The following C12orf42 variants were observed in gnomAD, a reference collection of about 807,000 sequenced individuals.
The protein encoded by C12orf42 is uncharacterized protein C12orf42.
Under a neutral mutation model 21.6 loss-of-function variants are expected in C12orf42, and 25 were observed. That is an observed-to-expected ratio of 1.16 (90% CI 0.84 to 1.62). The LOEUF (loss-of-function observed/expected upper bound fraction) is 1.62, where lower values mean the gene tolerates loss of function less well. C12orf42 is among the 40% of genes most tolerant of loss of function. The pLI is 0.00. For missense variants in C12orf42, 483 were observed against 459.3 expected (o/e 1.05, Z -0.47); for synonymous variants, 174 against 175.0 (o/e 0.99, Z 0.05).
intron 2 of C12orf42, among the ~76,000 whole-genome samples, chr12:103,458,042 A>G (rs1952431285): frequency 6.6e-6 from 1 of 152,306 alleles, no homozygotes; most frequent in Admixed American, 6.5e-5. Context: ...TTGACTGGTC[A>G]TCTTGAAACA....
At chr12:103,331,582 C>A (rs1176723012) in intron 4 of C12orf42, among the ~76,000 whole-genome samples, 1 of 152,180 alleles carries the variant, frequency 6.6e-6, no homozygotes, top group Non-Finnish European at 1.5e-5. Flanking sequence ...GTCCAGGGAG[C>A]TGAAGGGGAA....
chr12:103,524,383 G>C, the C12orf42 span, among the ~76,000 whole-genome samples: 1 of 152,148 alleles, frequency 6.6e-6, no homozygotes, highest in African/African-American at 2.4e-5. Context: ...GAGGCACACA[G>C]AGGTGGCAAA....
At chr12:103,462,095 GGTTTT>G (rs1437225552) in intron 2 of C12orf42, among the ~76,000 whole-genome samples, 1 of 31,482 alleles carries the variant, frequency 3.2e-5, no homozygotes, top group Non-Finnish European at 6.9e-5. Context: ...TTTTTTGCTT[GGTTTT>G]TTTTTTTTTT....
At chr12:103,160,562 T>C in the C12orf42 span, among the ~76,000 whole-genome samples, 4 of 152,258 alleles carry the variant, frequency 2.6e-5, no homozygotes, top group Non-Finnish European at 2.9e-5. Flanking sequence ...ATGGGATGGA[T>C]TCCTCAAAGA....
intron 4 of C12orf42, among the ~76,000 whole-genome samples, chr12:103,366,132 C>A (rs2044580855): frequency 6.6e-6 from 1 of 151,786 alleles, no homozygotes; most frequent in African/African-American, 2.4e-5. Flanking sequence ...ACCAATGGAA[C>A]AGAATAGCAA....
chr12:103,094,549 A>C, the C12orf42 span, among the ~76,000 whole-genome samples: 12 of 152,296 alleles, frequency 7.9e-5, no homozygotes, highest in South Asian at 2.1e-4. Flanking sequence ...GCTGGGAGTC[A>C]TCTCTTCCTC....
At chr12:103,340,666 C>G (rs1024743899) in intron 4 of C12orf42, among the ~76,000 whole-genome samples, 3 of 152,160 alleles carry the variant, frequency 2.0e-5, no homozygotes, top group African/African-American at 7.2e-5. Flanking sequence ...AGTTATAACT[C>G]TATTCCATAA....
At chr12:103,385,732 T>C (rs2046558486) in intron 3 of C12orf42, among the ~76,000 whole-genome samples, 1 of 152,210 alleles carries the variant, frequency 6.6e-6, no homozygotes, top group African/African-American at 2.4e-5. Context: ...AAGTTTTACT[T>C]TGAAATTTGA....
At chr12:103,135,583 C>A in the C12orf42 span, among the ~76,000 whole-genome samples, 1 of 152,116 alleles carries the variant, frequency 6.6e-6, no homozygotes, top group Non-Finnish European at 1.5e-5. Context: ...CATGAATCAA[C>A]TGATAGACTG....
chr12:103,407,259 T>C (rs2048492957), intron 2 of C12orf42, among the ~76,000 whole-genome samples: 2 of 151,984 alleles, frequency 1.3e-5, no homozygotes, highest in African/African-American at 4.9e-5. Flanking sequence ...TTTTACATAA[T>C]GATTTTAATC....
chr12:103,153,221 A>G, the C12orf42 span, among the ~76,000 whole-genome samples: 1 of 152,320 alleles, frequency 6.6e-6, no homozygotes, highest in African/African-American at 2.4e-5. Flanking sequence ...ACTACAAAGC[A>G]TTTGGAGGAA....
At chr12:103,206,508 AC>A in the C12orf42 span, among the ~76,000 whole-genome samples, 1 of 129,842 alleles carries the variant, frequency 7.7e-6, no homozygotes, top group African/African-American at 2.7e-5. Context: ...TCTTTTTTGG[AC>A]CTTTTCTATA....
chr12:103,463,020 T>C (rs1952844014), intron 2 of C12orf42, among the ~76,000 whole-genome samples: 2 of 152,214 alleles, frequency 1.3e-5, no homozygotes, highest in Admixed American at 6.5e-5. Flanking sequence ...CAGTTTCCGC[T>C]GTATTAATGA....
At chr12:103,153,712 G>A in the C12orf42 span, among the ~76,000 whole-genome samples, 18 of 152,134 alleles carry the variant, frequency 1.2e-4, no homozygotes, top group African/African-American at 4.1e-4. Flanking sequence ...ATGGCAGGAT[G>A]GTAAATTGGT....
chr12:103,092,888 C>T, the C12orf42 span, among the ~76,000 whole-genome samples: 1 of 152,170 alleles, frequency 6.6e-6, no homozygotes, highest in Non-Finnish European at 1.5e-5. Context: ...TAGCCTGACA[C>T]CTGTGTGATG....
In C12orf42 at chr12:103,302,118, T is replaced by C. The variant is rs190400201; in HGVS notation, c.1073A>G (p.His358Arg). ...QALSRPVVNA[H>R]LH ...ATTCCCTCGCAGCGGTCAATGTAAG[T>C]GAGCATTCACCACCGGCCTAGAAAG... Residue 358 changes from histidine to arginine, a missense_variant, in exon 6 of 6, where the codon CAC becomes CGC. Physicochemically the swap from His to Arg is conservative, Grantham distance 29. Transcript: ENST00000548883. The C allele has an allele frequency of 2.4e-5, 38 of 1,611,476 alleles. No homozygotes were observed. In the South Asian group the frequency reaches 3.6e-4, roughly 15 times the overall value.
intron 4 of C12orf42, among the ~76,000 whole-genome samples, chr12:103,284,748 A>G (rs1471268686): frequency 1.3e-5 from 2 of 152,126 alleles, no homozygotes; most frequent in African/African-American, 4.8e-5. Context: ...CTCTATGACA[A>G]CTCATGGGTT....
chr12:103,264,511 T>C (rs2035068387), downstream of C12orf42, among the ~76,000 whole-genome samples: 2 of 152,182 alleles, frequency 1.3e-5, no homozygotes, highest in African/African-American at 4.8e-5. Context: ...AGGCACATGA[T>C]AGGTCCCCTA....
chr12:103,358,453 A>G (rs2043780602), intron 4 of C12orf42, among the ~76,000 whole-genome samples: 1 of 152,090 alleles, frequency 6.6e-6, no homozygotes, highest in Non-Finnish European at 1.5e-5. Flanking sequence ...TAATCAAGAT[A>G]GCAATCTCCA....
Sources: gnomAD v4.1 joint callset for allele counts (sites outside exome capture counted in the v4.1 genomes callset) on GRCh38, gnomAD v4.1.1 for gene constraint, MANE v1.5 for transcripts, NCBI Gene and HGNC (gene_info 2026-07-23, HGNC 2026-07-21) for gene names.